Variants in ASCC3 observed in about 807,000 individuals in gnomAD.
ASCC3 encodes ASC-1 complex subunit P200.
In ASCC3, 158 loss-of-function variants were observed where a neutral mutation model predicts 256.3. That is an observed-to-expected ratio of 0.62 (90% confidence interval 0.54 to 0.70). The LOEUF is 0.70. Ranked by LOEUF, ASCC3 falls within the 30% of genes least tolerant of loss-of-function variation. The probability of loss-of-function intolerance (pLI) is 0.00; values close to 1 mark genes in which losing one functional copy is unlikely to be tolerated. For synonymous variants in ASCC3, 948 were observed against 883.4 expected, an observed-to-expected ratio of 1.07 and a Z score of -1.30; for missense variants, 2,259 against 2,626.0, an observed-to-expected ratio of 0.86 and a Z score of 3.05.
chr6:100,685,456 TCAG>T (rs929647322), intron 13 of ASCC3, among the ~76,000 whole-genome samples: 1 of 152,088 alleles, frequency 6.6e-6, no homozygotes, highest in African/African-American at 2.4e-5. Flanking sequence ...ATCAGCAGCA[TCAG>T]CAGCAGCAGC....
chr6:100,848,354 A>G lies in ASCC3; in HGVS notation c.595T>C (p.Phe199Leu). ...GCCTCCTGGAGATGTTCATTCAGAA[A>G]CTTCTTATAATCTAGGCTTATAGTT... ...QKTISLDYKK[F>L]LNEHLQEACT... The change falls in exon 4 of 42, where the codon TTT (phenylalanine) becomes CTT (leucine). Residue 199 changes from phenylalanine (F) to leucine (L), a missense_variant. Transcript: ENST00000369162. 6.2e-7 allele frequency: 1 copy of G among 1,614,002 alleles called. No individual in the cohort carries two copies. The highest frequency in any genetic ancestry group is 8.5e-7 in the Non-Finnish European group (1 of 1,179,976).
At chr6:100,619,271 A>G (rs1773826548) in intron 30 of ASCC3, among the ~76,000 whole-genome samples, 1 of 152,182 alleles carries the variant, frequency 6.6e-6, no homozygotes, top group South Asian at 2.1e-4. Context: ...AAGGATTAAC[A>G]GTTTACTTGG....
At chr6:100,746,992 T>C (rs1360744446) in intron 10 of ASCC3, among the ~76,000 whole-genome samples, 1 of 152,092 alleles carries the variant, frequency 6.6e-6, no homozygotes, top group Admixed American at 6.5e-5. Context: ...TGGAAGGAAA[T>C]GCTTGCAAAA....
chr6:100,531,180 C>T, intron 37 of ASCC3: 1 of 642,288 alleles, frequency 1.6e-6, no homozygotes. Flanking sequence ...TGAGACAAAA[C>T]TTTAAGGATA....
chr6:100,619,665 C>T (rs956358034), intron 30 of ASCC3, among the ~76,000 whole-genome samples: 2 of 152,156 alleles, frequency 1.3e-5, no homozygotes, highest in African/African-American at 4.8e-5. Flanking sequence ...TGGCTAGTTG[C>T]AGAAATACAG....
At chr6:100,633,649 T>C (rs1200205619) in intron 25 of ASCC3, among the ~76,000 whole-genome samples, 1 of 151,430 alleles carries the variant, frequency 6.6e-6, no homozygotes, top group Non-Finnish European at 1.5e-5. Flanking sequence ...GCGGATCACC[T>C]AAGGTCAGGA....
At chr6:100,709,957 T>A (rs973174826) in intron 13 of ASCC3, among the ~76,000 whole-genome samples, 2 of 152,124 alleles carry the variant, frequency 1.3e-5, no homozygotes, top group African/African-American at 4.8e-5. Flanking sequence ...GAAGTCCCAC[T>A]CTTACGGAAA....
At chr6:100,880,227 G>A (rs1040773754) in intron 1 of ASCC3, among the ~76,000 whole-genome samples, 8 of 151,750 alleles carry the variant, frequency 5.3e-5, no homozygotes, top group Admixed American at 3.9e-4. Context: ...ACATAAACTG[G>A]AGCACAATCC....
intron 3 of ASCC3, among the ~76,000 whole-genome samples, chr6:100,860,857 C>T (rs1773190981): frequency 6.6e-6 from 1 of 152,026 alleles, no homozygotes; most frequent in South Asian, 2.1e-4. Flanking sequence ...GCATGTGATT[C>T]AATGGCAAAG....
At chr6:100,827,357 T>C in intron 4 of ASCC3, among the ~76,000 whole-genome samples, 1 of 152,216 alleles carries the variant, frequency 6.6e-6, no homozygotes. Context: ...CCCAAATCCC[T>C]GGAAACCATT....
intron 36 of ASCC3, among the ~76,000 whole-genome samples, chr6:100,557,303 A>G (rs959580463): frequency 6.6e-6 from 1 of 152,064 alleles, no homozygotes; most frequent in African/African-American, 2.4e-5. Flanking sequence ...CCCTTTAAGT[A>G]TGCTTTAGCT....
intron 4 of ASCC3, among the ~76,000 whole-genome samples, chr6:100,809,836 G>T (rs1174200939): frequency 1.3e-5 from 2 of 152,008 alleles, no homozygotes; most frequent in African/African-American, 4.8e-5. Flanking sequence ...AGGCTACTCT[G>T]AACAAAAAAG....
chr6:100,512,403 T>C (rs762279113), intron 40 of ASCC3, among the ~76,000 whole-genome samples: 3 of 152,034 alleles, frequency 2.0e-5, no homozygotes, highest in African/African-American at 4.8e-5. Context: ...CAGTCTGGAG[T>C]GGGGCCAAGG....
intron 4 of ASCC3, among the ~76,000 whole-genome samples, chr6:100,833,593 T>C (rs1480609194): frequency 1.3e-5 from 2 of 152,230 alleles, no homozygotes; most frequent in African/African-American, 4.8e-5. Flanking sequence ...TTATTTTTTC[T>C]GTAAATGTAA....
Position 100,827,220 on chromosome 6 carries a change from G to A in ASCC3, c.801+20928C>T, listed in dbSNP as rs941023270. On this transcript the variant is annotated intron_variant, in intron 4 of 41. Coordinates refer to ENST00000369162, the MANE Select transcript of ASCC3 (RefSeq NM_006828.4). ...ACATTTTGTGTTTTACATTCTACAA[G>A]TTTTAACAAATATATAACTATTATA... 2.0e-5 allele frequency among the ~76,000 whole-genome samples: 3 copies of A among 152,146 alleles called. No homozygotes were observed. The East Asian group carries it at 5.8e-4, about 29-fold the overall frequency.
intron 10 of ASCC3, among the ~76,000 whole-genome samples, chr6:100,732,923 T>A (rs1447741544): frequency 1.3e-5 from 2 of 151,904 alleles, no homozygotes; most frequent in African/African-American, 2.4e-5. Flanking sequence ...TTCCCTTCCA[T>A]TTCCTGCAAT....
chr6:100,585,054 T>C (rs1043139730), intron 36 of ASCC3, among the ~76,000 whole-genome samples: 7 of 152,156 alleles, frequency 4.6e-5, no homozygotes, highest in Admixed American at 2.6e-4. Context: ...GACACTTATG[T>C]GTCTTGGAGT....
intron 38 of ASCC3, among the ~76,000 whole-genome samples, chr6:100,517,300 C>T (rs1357769884): frequency 2.6e-5 from 4 of 152,060 alleles, no homozygotes; most frequent in Non-Finnish European, 4.4e-5. Context: ...GAGTGCATGA[C>T]GGCAAGCTAC....
At chr6:100,693,956 C>T (rs1777957983) in intron 13 of ASCC3, among the ~76,000 whole-genome samples, 1 of 152,050 alleles carries the variant, frequency 6.6e-6, no homozygotes, top group South Asian at 2.1e-4. Context: ...GCACACTTCT[C>T]CCTACTCCTA....
Sources: allele counts gnomAD v4.1 joint callset (sites outside exome capture counted in the v4.1 genomes callset), GRCh38; gene constraint gnomAD v4.1.1; transcripts MANE v1.5; gene names NCBI Gene and HGNC (gene_info 2026-07-23, HGNC 2026-07-21).